The following LNX1 variants were observed in gnomAD, a reference collection of about 807,000 sequenced individuals.
LNX1 encodes the protein E3 ubiquitin-protein ligase LNX.
In LNX1, 54 loss-of-function variants were observed where a neutral mutation model predicts 68.4. The ratio of observed to expected loss-of-function variants is 0.79; its 90% confidence interval spans 0.63 to 0.99. LNX1 has a LOEUF of 0.99. Ranked by LOEUF, LNX1 falls within the 50% of genes least tolerant of loss-of-function variation. The pLI is 0.00. For missense variants in LNX1, 906 were observed against 926.4 expected, an observed-to-expected ratio of 0.98 and a Z score of 0.29; for synonymous variants, 336 against 350.0, an observed-to-expected ratio of 0.96 and a Z score of 0.45.
chr4:53,540,640 C>T (rs761893141), intron 2 of LNX1, among the ~76,000 whole-genome samples: 1 of 151,824 alleles, frequency 6.6e-6, no homozygotes, highest in Non-Finnish European at 1.5e-5. Context: ...CGAGATTGCG[C>T]CACTGCACTC....
At chr4:53,504,018 C>T (rs1725690417) in intron 4 of LNX1, among the ~76,000 whole-genome samples, 1 of 152,144 alleles carries the variant, frequency 6.6e-6, no homozygotes, top group African/African-American at 2.4e-5. Context: ...GCCTGTAATC[C>T]CAGCTACTTG....
At chr4:53,565,387 C>T (rs1473934874) in intron 2 of LNX1, among the ~76,000 whole-genome samples, 1 of 151,948 alleles carries the variant, frequency 6.6e-6, no homozygotes, top group Non-Finnish European at 1.5e-5. Flanking sequence ...AGCAGGGGCA[C>T]ACTGACACCT....
chr4:53,497,744 C>G (rs1421425088), intron 5 of LNX1, among the ~76,000 whole-genome samples: 5 of 152,174 alleles, frequency 3.3e-5, no homozygotes, highest in Non-Finnish European at 7.4e-5. Context: ...CGGCCTGCCC[C>G]GAGGGCCCTG....
At chr4:53,618,834 C>T (rs183439921), upstream of LNX1, among the ~76,000 whole-genome samples, 177 of 151,230 alleles carry the variant, frequency 1.2e-3, 1 homozygote, top group African/African-American at 4.3e-3. Flanking sequence ...ATATTTATGT[C>T]CCTTTTAAAA....
chr4:53,483,436 C>G (rs750400934), intron 6 of LNX1, among the ~76,000 whole-genome samples: 36 of 152,292 alleles, frequency 2.4e-4, no homozygotes, highest in South Asian at 4.1e-4. Flanking sequence ...GTAGTATGGG[C>G]CATTATTCCA....
intron 2 of LNX1, among the ~76,000 whole-genome samples, chr4:53,546,146 A>T (rs1210361477): frequency 6.6e-6 from 1 of 152,196 alleles, no homozygotes; most frequent in Non-Finnish European, 1.5e-5. Flanking sequence ...AAAGCTTGTT[A>T]ATGTTTCATG....
chr4:53,594,641 C>T (rs1047970341), upstream of LNX1, among the ~76,000 whole-genome samples: 11 of 152,104 alleles, frequency 7.2e-5, no homozygotes, highest in African/African-American at 2.2e-4. Context: ...TCCAGGCACA[C>T]TAGCAGTTGG....
chr4:53,598,390 G>A (rs1317647079), intron 2 of LNX1, among the ~76,000 whole-genome samples: 1 of 151,838 alleles, frequency 6.6e-6, no homozygotes, highest in Non-Finnish European at 1.5e-5. Context: ...GCACCACCAT[G>A]CCCAGCAAAT....
chr4:53,472,018 C>T (rs1008105065), intron 9 of LNX1, among the ~76,000 whole-genome samples: 12 of 152,148 alleles, frequency 7.9e-5, no homozygotes, highest in Non-Finnish European at 1.6e-4. Context: ...AATCATGCTA[C>T]TATAAAGACA....
intron 9 of LNX1, among the ~76,000 whole-genome samples, chr4:53,469,431 C>A (rs1722972376): frequency 6.6e-6 from 1 of 152,096 alleles, no homozygotes; most frequent in African/African-American, 2.4e-5. Context: ...ATTAAAAGAA[C>A]TAGAGAAGCA....
chr4:53,495,548 C>CTTTTTTTTTTTTTTTTTTTTT lies in LNX1; in HGVS notation c.1350+474_1350+475insAAAAAAAAAAAAAAAAAAAAA, dbSNP rs199684639. On this transcript the variant is annotated intron_variant, in intron 6 of 10. Coordinates refer to ENST00000263925, the MANE Select transcript of LNX1 (RefSeq NM_001126328.3). Reference sequence around the variant, plus strand: ...GATCCCTGGAGAATGCATGGCATAGCTTTTTTTTTTTTTAAGATGGGTCTT... The same window carrying CTTTTTTTTTTTTTTTTTTTTT: ...GATCCCTGGAGAATGCATGGCATAGCTTTTTTTTTTTTTTTTTTTTTTTTTTTTTTTTTTAAGATGGGTCTT... Among the ~76,000 whole-genome samples the CTTTTTTTTTTTTTTTTTTTTT allele has an allele frequency of 2.4e-3, 291 of 119,312 alleles. 18 individuals carry two copies. Among genetic ancestry groups the CTTTTTTTTTTTTTTTTTTTTT allele is most frequent in the African/African-American group, 8.5e-3 (263 of 30,782 alleles). 78.3% of individuals were successfully genotyped at this position (119,312 alleles called of 152,430 possible).
intron 1 of LNX1, among the ~76,000 whole-genome samples, chr4:53,581,865 T>C (rs1731859997): frequency 6.6e-6 from 1 of 152,256 alleles, no homozygotes; most frequent in Non-Finnish European, 1.5e-5. Context: ...AACTAAGTGA[T>C]GATCTTAAAC....
chr4:53,544,724 C>T (rs912309249), intron 2 of LNX1, among the ~76,000 whole-genome samples: 11 of 152,190 alleles, frequency 7.2e-5, no homozygotes, highest in Admixed American at 5.2e-4. Flanking sequence ...GAGATGGACA[C>T]GTAAGTAGCT....
At chr4:53,504,680 G>T (rs775928850) in intron 4 of LNX1, among the ~76,000 whole-genome samples, 20 of 152,156 alleles carry the variant, frequency 1.3e-4, no homozygotes, top group Non-Finnish European at 2.1e-4. Flanking sequence ...TCTAGTTTTT[G>T]ATTTAAAGTG....
intron 2 of LNX1, among the ~76,000 whole-genome samples, chr4:53,596,804 C>A (rs1338638479): frequency 6.6e-6 from 1 of 152,158 alleles, no homozygotes; most frequent in Non-Finnish European, 1.5e-5. Flanking sequence ...ATGACAATGA[C>A]ATTCCCCTCT....
chr4:53,580,835 G>C (rs7675771), intron 1 of LNX1, among the ~76,000 whole-genome samples: 40,998 of 151,956 alleles, frequency 0.27, 5,652 homozygotes, highest in Admixed American at 0.31. Flanking sequence ...GTTTGTAAAC[G>C]TTCCTTTACT....
intron 2 of LNX1, among the ~76,000 whole-genome samples, chr4:53,544,504 T>G (rs17660061): frequency 2.6e-5 from 4 of 152,004 alleles, no homozygotes; most frequent in African/African-American, 9.7e-5. Context: ...TGAGAGGTGC[T>G]GATTTCTTTT....
At chr4:53,508,790 CT>C (rs1395136544) in intron 2 of LNX1, among the ~76,000 whole-genome samples, 1 of 152,210 alleles carries the variant, frequency 6.6e-6, no homozygotes, top group Non-Finnish European at 1.5e-5. Flanking sequence ...TTTCTCTGGG[CT>C]GGTCTGGGAG....
chr4:53,530,896 ACT>A (rs1381109102), intron 2 of LNX1, among the ~76,000 whole-genome samples: 3 of 152,168 alleles, frequency 2.0e-5, no homozygotes, highest in Admixed American at 2.0e-4. Flanking sequence ...AGGCATAGTG[ACT>A]CACACCTGTA....
Sources: gnomAD v4.1 joint callset for allele counts (sites outside exome capture counted in the v4.1 genomes callset) on GRCh38, gnomAD v4.1.1 for gene constraint, MANE v1.5 for transcripts, NCBI Gene and HGNC (gene_info 2026-07-23, HGNC 2026-07-21) for gene names.